SNX7: variants seen among roughly 807,000 people sequenced by gnomAD.
SNX7 encodes sorting nexin 7.
A neutral mutation model predicts 48.4 loss-of-function variants in SNX7; 35 were observed. The ratio of observed to expected loss-of-function variants is 0.72; its 90% confidence interval spans 0.55 to 0.96. The LOEUF (loss-of-function observed/expected upper bound fraction) is 0.96. Among genes scored for constraint, SNX7 ranks in the 40% least tolerant of loss-of-function variants. The probability of loss-of-function intolerance (pLI) is 0.00; values close to 1 mark genes in which losing one functional copy is unlikely to be tolerated. For synonymous variants in SNX7, 190 were observed against 190.2 expected (o/e 1.00, Z 0.01); for missense variants, 553 against 548.9 (o/e 1.01, Z -0.07).
At chr1:98,752,511 C>A (rs1178884889) in intron 8 of SNX7, among the ~76,000 whole-genome samples, 3 of 151,898 alleles carry the variant, frequency 2.0e-5, no homozygotes, top group East Asian at 1.9e-4. Flanking sequence ...TAGAAAAAAA[C>A]CATATTGGTC....
chr1:98,699,112 C>G (rs1374781479), intron 6 of SNX7, among the ~76,000 whole-genome samples: 1 of 152,138 alleles, frequency 6.6e-6, no homozygotes, highest in Non-Finnish European at 1.5e-5. Context: ...TACTCAATAG[C>G]AACACCAACA....
At chr1:98,738,197 A>G (rs1456786041) in intron 7 of SNX7, 40 bp from the exon 8 acceptor site, 1 of 1,591,582 alleles carries the variant, frequency 6.3e-7, no homozygotes. Flanking sequence ...GATGGAAAGA[A>G]TTCATAGATC....
At chr1:98,728,289 C>T (rs1009988919) in intron 7 of SNX7, among the ~76,000 whole-genome samples, 56 of 152,102 alleles carry the variant, frequency 3.7e-4, no homozygotes, top group African/African-American at 1.3e-3. Context: ...CCAAACTAAG[C>T]TTCATAAGTG....
intron 2 of SNX7, among the ~76,000 whole-genome samples, chr1:98,690,108 A>C (rs570396895): frequency 1.3e-5 from 2 of 152,228 alleles, no homozygotes; most frequent in African/African-American, 4.8e-5. Flanking sequence ...AATTGTGTAC[A>C]TCTGTGTGGG....
intron 1 of SNX7, among the ~76,000 whole-genome samples, chr1:98,664,053 C>T (rs570844808): frequency 6.6e-6 from 1 of 152,306 alleles, no homozygotes; most frequent in African/African-American, 2.4e-5. Context: ...ACCTTCCTTG[C>T]CTGCTCCTCT....
chr1:98,691,937 A>ACTCTCTCTCTCT (rs59743636), intron 4 of SNX7, among the ~76,000 whole-genome samples: 51 of 131,050 alleles, frequency 3.9e-4, no homozygotes, highest in African/African-American at 1.1e-3. Context: ...ACACACACAC[A>ACTCTCTCTCTCT]CTCTCTCTCT....
intron 8 of SNX7, among the ~76,000 whole-genome samples, chr1:98,748,015 C>T (rs1486363282): frequency 2.2e-5 from 3 of 133,568 alleles, no homozygotes; most frequent in East Asian, 2.1e-4. Context: ...CTTGCTCTGT[C>T]GCCCAGGCTG....
intron 8 of SNX7, among the ~76,000 whole-genome samples, chr1:98,753,445 A>G (rs1379074462): frequency 6.6e-6 from 1 of 152,126 alleles, no homozygotes; most frequent in African/African-American, 2.4e-5. Flanking sequence ...AATGCAGAAT[A>G]TGAAAATGAT....
At chr1:98,694,530 T>A (rs1651338477) in intron 4 of SNX7, among the ~76,000 whole-genome samples, 1 of 149,672 alleles carries the variant, frequency 6.7e-6, no homozygotes, top group Admixed American at 6.7e-5. Flanking sequence ...TGGTGCTTAA[T>A]AATGAAGCCT....
chr1:98,756,410 T>C (rs1424840059), intron 8 of SNX7, among the ~76,000 whole-genome samples: 2 of 141,694 alleles, frequency 1.4e-5, no homozygotes, highest in South Asian at 2.3e-4. Flanking sequence ...CTCTTTTTTT[T>C]CTGCCAGATG....
At chr1:98,664,969 T>C (rs1649462048) in intron 1 of SNX7, among the ~76,000 whole-genome samples, 1 of 152,152 alleles carries the variant, frequency 6.6e-6, no homozygotes, top group Non-Finnish European at 1.5e-5. Flanking sequence ...AAAATTTAAC[T>C]GGAGAAAAAG....
At chr1:98,688,656 G>C (rs980165123) in intron 2 of SNX7, among the ~76,000 whole-genome samples, 1 of 152,122 alleles carries the variant, frequency 6.6e-6, no homozygotes, top group Non-Finnish European at 1.5e-5. Context: ...AATGCTTTTG[G>C]GGGTAGAGAT....
In SNX7 at chr1:98,725,421, A is replaced by T. The variant is rs530182631; in HGVS notation, c.1126-12816A>T. Among the ~76,000 whole-genome samples, 14 of 152,326 alleles carry T rather than the reference A, an allele frequency of 9.2e-5. No individual in the cohort carries two copies. In the South Asian group the frequency reaches 2.9e-3, roughly 32 times the overall value. On this transcript the variant is annotated intron_variant, in intron 7 of 8. Transcript: ENST00000306121. ...TTGCCTCTATGAAAGAAGTGTTCCA[A>T]AAACGAATGAGAAAGGAAGAAAAAC...
chr1:98,691,436 C>A, intron 3 of SNX7, 99 bp from the exon 4 acceptor site: 4 of 978,522 alleles, frequency 4.1e-6, no homozygotes, highest in South Asian at 2.5e-5. Context: ...AAGAAATGAT[C>A]AGATGTTCAA....
intron 8 of SNX7, among the ~76,000 whole-genome samples, chr1:98,747,970 G>A (rs1654384999): frequency 1.5e-5 from 2 of 136,638 alleles, no homozygotes; most frequent in South Asian, 4.8e-4. Flanking sequence ...TTGTTTTACA[G>A]GTTTTTACTT....
chr1:98,722,958 A>C (rs1652963912), intron 7 of SNX7, among the ~76,000 whole-genome samples: 2 of 151,580 alleles, frequency 1.3e-5, no homozygotes. Flanking sequence ...CACTTTCCTA[A>C]AATCACCCAT....
chr1:98,747,078 G>A (rs192161045), intron 8 of SNX7, among the ~76,000 whole-genome samples: 57 of 152,140 alleles, frequency 3.7e-4, no homozygotes, highest in African/African-American at 1.2e-3. Context: ...TGTTGTATTA[G>A]AAGACACTTC....
At chr1:98,685,164 A>C in intron 2 of SNX7, 97 bp downstream of exon 2, 4 of 743,926 alleles carry the variant, frequency 5.4e-6, no homozygotes, top group Non-Finnish European at 7.8e-6. Context: ...ACATTCCAAG[A>C]TCTTAGCTGA....
In SNX7 at chr1:98,698,900, T is replaced by A. The variant is rs1651607298; in HGVS notation, c.1033T>A (p.Leu345Ile). ...VHEYVLYSEMLMGVMKRRDQI... is the reference protein window; with the variant it reads ...VHEYVLYSEMIMGVMKRRDQI... ...TGAGTACGTGCTTTATAGTGAAATG[T>A]TAATGGTAAGAACACCTAATTCTAA... The change falls in exon 6 of 9, where the codon TTA (leucine) becomes ATA (isoleucine). Residue 345 changes from leucine to isoleucine, a missense_variant. Coordinates refer to ENST00000306121, the MANE Select transcript of SNX7 (RefSeq NM_015976.5). The A allele has an allele frequency of 6.2e-7, 1 of 1,613,372 alleles. No individual in the cohort carries two copies. Among genetic ancestry groups the A allele is most frequent in the Non-Finnish European group, 8.5e-7 (1 of 1,179,538 alleles).
Sources: gnomAD v4.1 joint callset for allele counts (sites outside exome capture counted in the v4.1 genomes callset) on GRCh38, gnomAD v4.1.1 for gene constraint, MANE v1.5 for transcripts, NCBI Gene and HGNC (gene_info 2026-07-23, HGNC 2026-07-21) for gene names.